Variants in KIF16B observed in about 807,000 individuals in gnomAD.
The protein encoded by KIF16B is kinesin-like protein KIF16B.
Under a neutral mutation model 156.3 loss-of-function variants are expected in KIF16B, and 98 were observed. The observed-to-expected ratio is 0.63, with a 90% CI of 0.53 to 0.74. The LOEUF (loss-of-function observed/expected upper bound fraction) is 0.74. KIF16B is among the 30% of genes least tolerant of loss of function. The probability of loss-of-function intolerance (pLI) is 0.00; values close to 1 mark genes in which losing one functional copy is unlikely to be tolerated. For synonymous variants in KIF16B, 564 were observed against 583.7 expected (o/e 0.97, Z 0.49); for missense variants, 1,421 against 1,606.5 (o/e 0.88, Z 1.97).
At chr20:16,290,158 G>C (rs1170248676) in intron 25 of KIF16B, among the ~76,000 whole-genome samples, 2 of 152,306 alleles carry the variant, frequency 1.3e-5, no homozygotes, top group East Asian at 3.9e-4. Context: ...GTCTGACAAA[G>C]GCTTTCAAAT....
chr20:16,564,553 C>T (rs963310187), intron 1 of KIF16B, among the ~76,000 whole-genome samples: 4 of 151,738 alleles, frequency 2.6e-5, no homozygotes, highest in African/African-American at 9.7e-5. Context: ...AGGAGATATA[C>T]CTAATGTTAA....
At chr20:16,451,220 T>C (rs377742049) in intron 12 of KIF16B, among the ~76,000 whole-genome samples, 35 of 152,296 alleles carry the variant, frequency 2.3e-4, no homozygotes, top group African/African-American at 8.2e-4. Flanking sequence ...ATTTCTATAA[T>C]TGTAACTTCC....
At chr20:16,479,517 T>TA (rs56772585) in intron 12 of KIF16B, among the ~76,000 whole-genome samples, 28,377 of 151,414 alleles carry the variant, frequency 0.19, 4,805 homozygotes, top group African/African-American at 0.46. Flanking sequence ...CTCAGAACTT[T>TA]AAAAAAAAAT....
chr20:16,380,541 T>C (rs1031660874), intron 18 of KIF16B, among the ~76,000 whole-genome samples: 1 of 152,208 alleles, frequency 6.6e-6, no homozygotes, highest in Non-Finnish European at 1.5e-5. Context: ...TCAACAGAAG[T>C]TGTTACAAGA....
intron 12 of KIF16B, among the ~76,000 whole-genome samples, chr20:16,479,998 T>C (rs2067933967): frequency 6.6e-6 from 1 of 151,942 alleles, no homozygotes; most frequent in Admixed American, 6.6e-5. Flanking sequence ...GGAGGAGGAG[T>C]ACTGCCAGAA....
chr20:16,414,200 A>G (rs908938694), intron 15 of KIF16B, among the ~76,000 whole-genome samples: 2 of 152,074 alleles, frequency 1.3e-5, no homozygotes, highest in Non-Finnish European at 2.9e-5. Flanking sequence ...TTAGGAAGCT[A>G]GATAGGAAAA....
At chr20:16,562,516 A>G (rs1568691402) in intron 1 of KIF16B, among the ~76,000 whole-genome samples, 2 of 152,138 alleles carry the variant, frequency 1.3e-5, no homozygotes, top group African/African-American at 2.4e-5. Context: ...CGCCGTGACT[A>G]CGGATCCCAA....
intron 12 of KIF16B, among the ~76,000 whole-genome samples, chr20:16,485,505 C>G (rs1043229036): frequency 6.6e-6 from 1 of 152,126 alleles, no homozygotes; most frequent in Non-Finnish European, 1.5e-5. Context: ...TTTCCCTGAC[C>G]TAAAGGAATT....
At chr20:16,287,518 A>T (rs2122427825) in intron 25 of KIF16B, among the ~76,000 whole-genome samples, 1 of 152,368 alleles carries the variant, frequency 6.6e-6, no homozygotes, top group African/African-American at 2.4e-5. Flanking sequence ...GTTTAATGAC[A>T]TAAGCATATT....
intron 23 of KIF16B, among the ~76,000 whole-genome samples, chr20:16,348,856 C>G (rs547380989): frequency 2.0e-5 from 3 of 151,704 alleles, no homozygotes; most frequent in Admixed American, 1.3e-4. Context: ...TTTTAAAAAA[C>G]CAAACATGAT....
rs1030015824 is a variant in KIF16B at position 16,413,461 on chromosome 20, T to C, written c.1613-7005A>G. Among the ~76,000 whole-genome samples, 4 of 152,190 alleles carry C rather than the reference T, an allele frequency of 2.6e-5. 1 individual carries two copies. The highest frequency in any genetic ancestry group is 9.6e-5 in the African/African-American group (4 of 41,462). On this transcript the variant is annotated intron_variant, in intron 15 of 25. Coordinates refer to ENST00000354981, the MANE Select transcript of KIF16B (RefSeq NM_024704.5). ...CTTCAAGTTTTATGAGATTTTCTAA[T>C]TCTGCTACTGCACAAATAAAACAAC...
In KIF16B at chr20:16,566,059, G is replaced by A. The variant is rs146780742; in HGVS notation, c.47+7170C>T. Among the ~76,000 whole-genome samples the A allele has an allele frequency of 2.2e-3, 340 of 152,346 alleles. 2 individuals are homozygous for A. Among genetic ancestry groups the A allele is most frequent in the African/African-American group, 7.4e-3 (308 of 41,582 alleles). On this transcript the variant is annotated intron_variant, in intron 1 of 25. Transcript: ENST00000354981. Reference sequence around the variant, plus strand: ...GATCGTGGGATTATGAGCAATTTGCGATTTGATTTCTTCGGTATATTTTTC... The same window carrying A: ...GATCGTGGGATTATGAGCAATTTGCAATTTGATTTCTTCGGTATATTTTTC...
rs965455491 is a variant in KIF16B at position 16,428,247 on chromosome 20, T to C, written c.1474+706A>G. ...CAACCTAATACATGTAGGAACATACTAGGATTGGCTCCATTAATAGCTTAC... is the reference window on the plus strand; with the variant it reads ...CAACCTAATACATGTAGGAACATACCAGGATTGGCTCCATTAATAGCTTAC... On this transcript the variant is annotated intron_variant, in intron 14 of 25. Coordinates refer to ENST00000354981, the MANE Select transcript of KIF16B (RefSeq NM_024704.5). Among the ~76,000 whole-genome samples the C allele has an allele frequency of 3.9e-5, 6 of 152,166 alleles. 1 individual carries two copies. Among genetic ancestry groups the C allele is most frequent in the African/African-American group, 7.2e-5 (3 of 41,450 alleles).
chr20:16,551,741 G>A (rs1186499262), intron 1 of KIF16B, among the ~76,000 whole-genome samples: 1 of 152,182 alleles, frequency 6.6e-6, no homozygotes, highest in Non-Finnish European at 1.5e-5. Flanking sequence ...GATATCATCA[G>A]TGTTCCTTGC....
At chr20:16,446,137 T>A (rs994625294) in intron 12 of KIF16B, among the ~76,000 whole-genome samples, 1 of 152,194 alleles carries the variant, frequency 6.6e-6, no homozygotes, top group South Asian at 2.1e-4. Flanking sequence ...TTGTCACCTT[T>A]AATAAAAACA....
chr20:16,428,313 C>T (rs920895322), intron 14 of KIF16B, among the ~76,000 whole-genome samples: 1 of 152,126 alleles, frequency 6.6e-6, no homozygotes, highest in Non-Finnish European at 1.5e-5. Context: ...CTAAAAGCAG[C>T]TGAGACAATA....
rs1245128738 is a variant in KIF16B, at chr20:16,406,476, G to A, written c.1613-20C>T. 6.2e-7 allele frequency: 1 copy of A among 1,609,312 alleles called. No individual in the cohort carries two copies. The highest frequency in any genetic ancestry group is 8.5e-7 in the Non-Finnish European group (1 of 1,175,940). ...CAGCACCTGAAAACACACAAAAACA[G>A]TAATGAATTTACAGTAAGCAGTCTG... On this transcript the variant is annotated intron_variant, in intron 15 of 25. Coordinates refer to ENST00000354981, the MANE Select transcript of KIF16B (RefSeq NM_024704.5).
chr20:16,374,564 T>A (rs1366826176), intron 19 of KIF16B, among the ~76,000 whole-genome samples, 155 bp from the exon 20 acceptor site: 9 of 152,076 alleles, frequency 5.9e-5, no homozygotes, highest in Admixed American at 5.9e-4. Context: ...CACATACCCA[T>A]AAGACAAGAC....
intron 3 of KIF16B, among the ~76,000 whole-genome samples, chr20:16,519,792 T>G (rs2069269916): frequency 6.6e-6 from 1 of 152,086 alleles, no homozygotes; most frequent in Non-Finnish European, 1.5e-5. Context: ...GGCAAGTGAT[T>G]TCTGGATTTT....
Sources: allele counts gnomAD v4.1 joint callset (sites outside exome capture counted in the v4.1 genomes callset), GRCh38; gene constraint gnomAD v4.1.1; transcripts MANE v1.5; gene names NCBI Gene and HGNC (gene_info 2026-07-23, HGNC 2026-07-21).